GPALPP1: variants seen among roughly 807,000 people sequenced by gnomAD.
The protein encoded by GPALPP1 is GPALPP motifs-containing protein 1.
Under a neutral mutation model 38.9 loss-of-function variants are expected in GPALPP1, and 30 were observed. The observed-to-expected ratio is 0.77, with a 90% CI of 0.58 to 1.05. The LOEUF (loss-of-function observed/expected upper bound fraction) is 1.05, where lower values mean the gene tolerates loss of function less well. Ranked by LOEUF, GPALPP1 falls within the 50% of genes least tolerant of loss-of-function variation. The pLI, the probability that GPALPP1 is intolerant of heterozygous loss-of-function variation, is 0.00. For synonymous variants in GPALPP1, 120 were observed against 139.2 expected (o/e 0.86, Z 0.97); for missense variants, 384 against 408.8 (o/e 0.94, Z 0.52).
At chr13:45,015,953 A>G (rs942515831) in intron 6 of GPALPP1, among the ~76,000 whole-genome samples, 18 of 152,178 alleles carry the variant, frequency 1.2e-4, no homozygotes, top group South Asian at 8.3e-4. Context: ...CTAGCTCCAG[A>G]TTCCCTGGTC....
In GPALPP1 at chr13:45,029,872, TTTAATAG is replaced by T. The variant is rs1876102916; in HGVS notation, c.*1873_*1879del. ...GAAAAACTATTTTGCTTTTTCCAAC[TTTAATAG>T]TTAGTATTTCTAGGGGAGGCAATCA... On this transcript the variant is annotated 3_prime_UTR_variant, in exon 8 of 8. Transcript: ENST00000379151. The T allele has an allele frequency of 6.6e-6, 1 of 152,202 alleles. No homozygotes were observed. The highest frequency in any genetic ancestry group is 2.1e-4 in the South Asian group (1 of 4,828). 9.4% of individuals were successfully genotyped at this position (152,202 alleles called of 1,614,324 possible). A position where few individuals can be genotyped will look rare whatever the true frequency, so the allele number is the denominator to read the frequency against.
intron 7 of GPALPP1, among the ~76,000 whole-genome samples, chr13:45,024,661 G>A (rs960445439): frequency 6.6e-6 from 1 of 151,048 alleles, no homozygotes; most frequent in Admixed American, 6.6e-5. Flanking sequence ...AGGCATAGTG[G>A]CTTATGCCTG....
intron 7 of GPALPP1, among the ~76,000 whole-genome samples, chr13:45,027,397 C>G (rs1875909266): frequency 6.6e-6 from 1 of 152,154 alleles, no homozygotes; most frequent in Non-Finnish European, 1.5e-5. Flanking sequence ...ATATGCTGCA[C>G]AGGCCTTGAA....
intron 1 of GPALPP1, among the ~76,000 whole-genome samples, chr13:44,992,958 C>A (rs1161367992): frequency 1.3e-5 from 2 of 152,228 alleles, no homozygotes; most frequent in Non-Finnish European, 2.9e-5. Flanking sequence ...ATTCTCCCCT[C>A]TGACCCAGTC....
chr13:45,006,079 G>T lies in GPALPP1; in HGVS notation c.222-123G>T, dbSNP rs1344459665. ...GTAGTATCCAGTTTTTATTTGGCAG[G>T]ATTAATTTATTGTTGCAGTGTTTAT... On this transcript the variant is annotated intron_variant, in intron 2 of 7. Coordinates refer to ENST00000379151, the MANE Select transcript of GPALPP1 (RefSeq NM_018559.5). 11 of 578,448 alleles carry T rather than the reference G, an allele frequency of 1.9e-5. No individual in the cohort carries two copies. In the South Asian group the frequency reaches 2.1e-4, roughly 11 times the overall value. The allele number at this position is 578,448 out of a possible 1,614,324, so 35.8% of individuals were successfully genotyped here.
chr13:45,023,525 A>G (rs1875568402), intron 7 of GPALPP1, among the ~76,000 whole-genome samples: 5 of 152,112 alleles, frequency 3.3e-5, no homozygotes, highest in Admixed American at 2.0e-4. Flanking sequence ...CTTACATACA[A>G]TTTTGCTCAT....
At chr13:45,015,407 G>C in intron 5 of GPALPP1, 25 bp from the exon 6 acceptor site, 1 of 1,461,602 alleles carries the variant, frequency 6.8e-7, no homozygotes, top group Non-Finnish European at 9.3e-7. Context: ...TACTTTCTAT[G>C]CTGTGTTTTT....
chr13:45,009,349 T>C (rs781569840), intron 4 of GPALPP1, among the ~76,000 whole-genome samples: 1 of 152,238 alleles, frequency 6.6e-6, no homozygotes, highest in Non-Finnish European at 1.5e-5. Context: ...CAAATGACTT[T>C]GGAGTAAAGT....
intron 6 of GPALPP1, among the ~76,000 whole-genome samples, chr13:45,018,451 T>G (rs1042340797): frequency 6.6e-6 from 1 of 152,086 alleles, no homozygotes; most frequent in African/African-American, 2.4e-5. Flanking sequence ...TTTACATACA[T>G]TAATTGAATG....
chr13:45,016,162 A>G (rs1337311254), intron 6 of GPALPP1, among the ~76,000 whole-genome samples: 2 of 152,166 alleles, frequency 1.3e-5, no homozygotes, highest in Non-Finnish European at 2.9e-5. Context: ...AAGTTATCCA[A>G]AAAATACCAG....
At chr13:44,996,318 G>A (rs190842573) in intron 1 of GPALPP1, among the ~76,000 whole-genome samples, 18 of 150,918 alleles carry the variant, frequency 1.2e-4, no homozygotes, top group African/African-American at 3.9e-4. Context: ...TCACACCACC[G>A]CACTCCAGCC....
intron 3 of GPALPP1, among the ~76,000 whole-genome samples, chr13:45,008,176 G>C (rs1419823071): frequency 6.6e-6 from 1 of 152,182 alleles, no homozygotes; most frequent in African/African-American, 2.4e-5. Flanking sequence ...AATATGGTTA[G>C]CACGGTACCC....
intron 7 of GPALPP1, among the ~76,000 whole-genome samples, chr13:45,026,003 C>G (rs1875807540): frequency 6.6e-6 from 1 of 152,160 alleles, no homozygotes; most frequent in African/African-American, 2.4e-5. Flanking sequence ...CTCCCGACCT[C>G]AGGTGATCCA....
At chr13:45,016,024 C>T (rs1172613764) in intron 6 of GPALPP1, among the ~76,000 whole-genome samples, 1 of 150,868 alleles carries the variant, frequency 6.6e-6, no homozygotes, top group Non-Finnish European at 1.5e-5. Context: ...AAAAAAAAAA[C>T]AAAGCTGCAG....
chr13:45,007,093 C>G (rs1187428119), intron 3 of GPALPP1, among the ~76,000 whole-genome samples: 2 of 151,910 alleles, frequency 1.3e-5, no homozygotes, highest in Non-Finnish European at 2.9e-5. Flanking sequence ...GATAGGCAAT[C>G]TACAGTCCCC....
downstream of GPALPP1, chr13:45,031,481 A>AAT (rs1876194441): frequency 6.6e-6 from 1 of 152,152 alleles, no homozygotes. Context: ...TTCCTCATTT[A>AAT]AAGAGAATAG....
chr13:45,034,726 CT>C (rs60212020), downstream of GPALPP1: 9,105 of 135,242 alleles, frequency 0.067, 318 homozygotes, highest in African/African-American at 0.11. Flanking sequence ...ATTTTTATTT[CT>C]TTTTTTTTTT....
intron 7 of GPALPP1, among the ~76,000 whole-genome samples, chr13:45,022,774 T>C (rs1875517464): frequency 6.6e-6 from 1 of 152,190 alleles, no homozygotes; most frequent in South Asian, 2.1e-4. Context: ...GGCTCACACA[T>C]GTAATCCCAG....
intron 1 of GPALPP1, among the ~76,000 whole-genome samples, chr13:45,001,396 A>G (rs1873662594): frequency 6.6e-6 from 1 of 152,158 alleles, no homozygotes; most frequent in Non-Finnish European, 1.5e-5. Flanking sequence ...CACACCCTAT[A>G]CACCCTAGTA....
Sources: allele counts gnomAD v4.1 joint callset (sites outside exome capture counted in the v4.1 genomes callset), GRCh38; gene constraint gnomAD v4.1.1; transcripts MANE v1.5; gene names NCBI Gene and HGNC (gene_info 2026-07-23, HGNC 2026-07-21).